TRERF1: variants seen among roughly 807,000 people sequenced by gnomAD.
TRERF1 encodes the protein transcriptional regulating factor 1.
In TRERF1, 27 loss-of-function variants were observed where a neutral mutation model predicts 122.9. The ratio of observed to expected loss-of-function variants is 0.22; its 90% CI spans 0.16 to 0.30. The LOEUF is 0.30. Ranked by LOEUF, TRERF1 falls within the 10% of genes least tolerant of loss-of-function variation. The probability of loss-of-function intolerance (pLI) is 1.00; values close to 1 mark genes in which losing one functional copy is unlikely to be tolerated. For missense variants in TRERF1, 1,248 were observed against 1,560.3 expected (o/e 0.80, Z 3.37); for synonymous variants, 636 against 641.7 (o/e 0.99, Z 0.13).
intron 2 of TRERF1, among the ~76,000 whole-genome samples, chr6:42,396,796 G>A (rs1327255582): frequency 1.3e-5 from 2 of 152,160 alleles, no homozygotes; most frequent in Non-Finnish European, 2.9e-5. Context: ...ATGGTGGGAG[G>A]AGAATTACAA....
intron 3 of TRERF1, among the ~76,000 whole-genome samples, chr6:42,327,307 G>C (rs1583052499): frequency 6.6e-6 from 1 of 152,338 alleles, no homozygotes; most frequent in East Asian, 1.9e-4. Context: ...CCCAGAGGAG[G>C]AGCTGGGGGT....
At chr6:42,290,888 A>C (rs1365197775) in intron 4 of TRERF1, among the ~76,000 whole-genome samples, 1 of 151,414 alleles carries the variant, frequency 6.6e-6, no homozygotes, top group African/African-American at 2.4e-5. Context: ...ACATCAGTGG[A>C]GCTCCCGGCT....
At chr6:42,426,714 C>T (rs1413915900) in intron 2 of TRERF1, among the ~76,000 whole-genome samples, 1 of 152,122 alleles carries the variant, frequency 6.6e-6, no homozygotes, top group East Asian at 1.9e-4. Flanking sequence ...CAGACACGCT[C>T]ATTCATTTAC....
At chr6:42,389,673 A>C (rs1346418622) in intron 2 of TRERF1, among the ~76,000 whole-genome samples, 1 of 152,224 alleles carries the variant, frequency 6.6e-6, no homozygotes, top group Non-Finnish European at 1.5e-5. Flanking sequence ...CCCAACTTCA[A>C]ACACTTGATA....
chr6:42,346,471 T>C (rs1768308433), intron 3 of TRERF1, among the ~76,000 whole-genome samples: 1 of 152,170 alleles, frequency 6.6e-6, no homozygotes, highest in Non-Finnish European at 1.5e-5. Flanking sequence ...AGCATGTGCA[T>C]CTATGTCCAG....
chr6:42,311,219 T>C (rs953221089), intron 3 of TRERF1, among the ~76,000 whole-genome samples: 11 of 152,018 alleles, frequency 7.2e-5, no homozygotes, highest in Non-Finnish European at 1.3e-4. Context: ...TGATGAATGT[T>C]ATGAAGGGAA....
chr6:42,229,481 G>C lies in TRERF1; in HGVS notation c.3279-812C>G, dbSNP rs748440166. On this transcript the variant is annotated intron_variant, in intron 17 of 17. Transcript: ENST00000372922. The stretch of plus-strand genomic sequence containing the variant: ...AGGATCTGCCCACACGCACTTGGTG[G>C]ATCTCTTTTTTCTCTGCTTCTTCCT... 4.6e-5 allele frequency among the ~76,000 whole-genome samples: 7 copies of C among 152,266 alleles called. 1 individual carries two copies. The South Asian group carries it at 1.5e-3, about 32-fold the overall frequency.
intron 2 of TRERF1, among the ~76,000 whole-genome samples, chr6:42,401,480 A>T (rs1779380995): frequency 6.6e-6 from 1 of 152,154 alleles, no homozygotes; most frequent in African/African-American, 2.4e-5. Context: ...CATTTTACGG[A>T]TGAGGTAACT....
chr6:42,234,341 CTTG>C (rs1237486819), intron 16 of TRERF1, among the ~76,000 whole-genome samples: 4 of 147,076 alleles, frequency 2.7e-5, no homozygotes, highest in South Asian at 2.1e-4. Flanking sequence ...TGTTTGTTTG[CTTG>C]TTTTTTTTTT....
rs1211716570 is a variant in TRERF1, at chr6:42,228,603, C to T, written c.3345G>A (p.Gln1115=). ...AAGCCGCCTTCTGAGCCTTTTGCCTCTGTTGTTCCTCCTGCTGCCTGTGAG... is the reference window on the plus strand; with the variant it reads ...AAGCCGCCTTCTGAGCCTTTTGCCTTTGTTGTTCCTCCTGCTGCCTGTGAG... Residue 1115 remains glutamine, a synonymous_variant, in exon 18 of 18, where the codon CAG becomes CAA. Transcript: ENST00000372922. The surrounding 1 kb of genome is among the most constrained non-coding windows in gnomAD (Gnocchi z 4.2). 1 of 1,614,046 alleles carries T rather than the reference C, an allele frequency of 6.2e-7. No homozygotes were observed. The highest frequency in any genetic ancestry group is 1.7e-5 in the Admixed American group (1 of 60,000).
chr6:42,274,964 C>A (rs1198396339), intron 4 of TRERF1, among the ~76,000 whole-genome samples: 1 of 152,216 alleles, frequency 6.6e-6, no homozygotes, highest in Non-Finnish European at 1.5e-5. Flanking sequence ...CTTCCACCCC[C>A]ATCCCCAGCC....
At chr6:42,256,612 G>T in intron 12 of TRERF1, 116 bp downstream of exon 12, 1 of 800,998 alleles carries the variant, frequency 1.2e-6, no homozygotes, top group Non-Finnish European at 2.1e-6. Flanking sequence ...CGTGCTGATT[G>T]GTCATCATGC....
rs545102288 is a variant in TRERF1, at chr6:42,373,915, G to A, written c.-453-10836C>T. On this transcript the variant is annotated intron_variant, in intron 2 of 17. Transcript: ENST00000372922. ...TTTGGGAGGCCAAGGTGGGCAGACC[G>A]TGAGGTCAGGAGATTGAGACCATCC... 5.3e-5 allele frequency among the ~76,000 whole-genome samples: 8 copies of A among 151,572 alleles called. No homozygotes were observed. The South Asian group carries it at 1.7e-3, about 32-fold the overall frequency.
intron 12 of TRERF1, among the ~76,000 whole-genome samples, chr6:42,256,079 C>T (rs934453640): frequency 6.8e-6 from 1 of 147,132 alleles, no homozygotes; most frequent in Non-Finnish European, 1.5e-5. Flanking sequence ...TGCGGTGAGC[C>T]GAGATCATGC....
In TRERF1 at chr6:42,263,415, G is replaced by A; in HGVS notation, c.1789C>T (p.Pro597Ser). The A allele has an allele frequency of 6.2e-7, 1 of 1,612,240 alleles. No individual in the cohort carries two copies. Among genetic ancestry groups the A allele is most frequent in the Non-Finnish European group, 8.5e-7 (1 of 1,179,272 alleles). Residue 597 changes from proline to serine, a missense_variant, in exon 8 of 18, where the codon CCC (proline) becomes TCC (serine). Coordinates refer to ENST00000372922, the Ensembl canonical transcript of TRERF1. This position sits in a 1 kb window ranked among gnomAD's most constrained non-coding sequence, Gnocchi z 5.6. ...CTGTTGGTGAACCCCTGAGAGCTGG[G>A]CTTGGGCGGGAGAAGCTTGACAGGG...
chr6:42,320,966 A>C (rs564575871), intron 3 of TRERF1, among the ~76,000 whole-genome samples: 120 of 152,284 alleles, frequency 7.9e-4, no homozygotes, highest in African/African-American at 2.8e-3. Flanking sequence ...CAGCGCTCAA[A>C]TATTATGAGA....
chr6:42,332,629 C>A (rs1765442832), intron 3 of TRERF1, among the ~76,000 whole-genome samples: 1 of 152,208 alleles, frequency 6.6e-6, no homozygotes, highest in South Asian at 2.1e-4. Flanking sequence ...TAGGACCTCT[C>A]TTCCCACCAC....
In TRERF1 at chr6:42,268,922, G is replaced by A. The variant is rs774425779; in HGVS notation, c.669C>T (p.Val223=). The change falls in exon 5 of 18, where the codon GTC becomes GTT. Residue 223 remains valine, a synonymous_variant. Coordinates refer to ENST00000372922, the Ensembl canonical transcript of TRERF1. This position sits in a 1 kb window ranked among gnomAD's most constrained non-coding sequence, Gnocchi z 4.4. Reference sequence around the variant, plus strand: ...GGTGCCCTTGGGTAGGGTGCTGCCCGACCTGAAGAGCTGGTTTGGACAGCC... The same window carrying A: ...GGTGCCCTTGGGTAGGGTGCTGCCCAACCTGAAGAGCTGGTTTGGACAGCC... 21 of 1,612,506 alleles carry A rather than the reference G, an allele frequency of 1.3e-5. No homozygotes were observed. The highest frequency in any genetic ancestry group is 2.7e-5 in the African/African-American group (2 of 74,868).
intron 2 of TRERF1, among the ~76,000 whole-genome samples, chr6:42,396,650 C>T (rs977974280): frequency 6.6e-6 from 1 of 152,162 alleles, no homozygotes; most frequent in Non-Finnish European, 1.5e-5. Flanking sequence ...GCTGTGTGAC[C>T]TCAGGCAAGC....
Sources: gnomAD v4.1 joint callset for allele counts (sites outside exome capture counted in the v4.1 genomes callset) on GRCh38, gnomAD v4.1.1 for gene constraint, Gnocchi (gnomAD v3.1) non-coding constraint, MANE v1.5 for transcripts, NCBI Gene and HGNC (gene_info 2026-07-23, HGNC 2026-07-21) for gene names.